CRB1: variants seen among roughly 807,000 people sequenced by gnomAD.
CRB1 encodes the protein protein crumbs homolog 1.
In CRB1, 83 loss-of-function variants were observed where a neutral mutation model predicts 120.0. That is an observed-to-expected ratio of 0.69 (90% CI 0.58 to 0.83). CRB1 has a LOEUF of 0.83. CRB1 is among the 40% of genes least tolerant of loss of function. The pLI, the probability that CRB1 is intolerant of heterozygous loss-of-function variation, is 0.00. For synonymous variants in CRB1, 625 were observed against 612.5 expected, an observed-to-expected ratio of 1.02 and a Z score of -0.30; for missense variants, 1,699 against 1,687.6, an observed-to-expected ratio of 1.01 and a Z score of -0.12.
chr1:197,317,634 G>T (rs1315916501), intron 1 of CRB1, among the ~76,000 whole-genome samples: 1 of 152,068 alleles, frequency 6.6e-6, no homozygotes, highest in Non-Finnish European at 1.5e-5. Context: ...CATGGTAAAT[G>T]GAATAAAAAT....
chr1:197,451,566 C>T (rs1665974707), intron 11 of CRB1, among the ~76,000 whole-genome samples: 2 of 152,188 alleles, frequency 1.3e-5, no homozygotes, highest in Non-Finnish European at 2.9e-5. Flanking sequence ...CTGAACCTAA[C>T]ACTGTCGATT....
chr1:197,392,147 T>A (rs1662537935), intron 5 of CRB1, among the ~76,000 whole-genome samples: 1 of 151,904 alleles, frequency 6.6e-6, no homozygotes, highest in African/African-American at 2.4e-5. Context: ...ACCAGGGTGG[T>A]GCTGCTAGTA....
At chr1:197,396,848 C>T (rs1159216609) in intron 5 of CRB1, among the ~76,000 whole-genome samples, 5 of 151,936 alleles carry the variant, frequency 3.3e-5, no homozygotes, top group African/African-American at 9.7e-5. Context: ...TATAAAACTT[C>T]GAAGAGAACA....
chr1:197,464,036 A>T (rs1489055132), intron 11 of CRB1, among the ~76,000 whole-genome samples: 1 of 152,172 alleles, frequency 6.6e-6, no homozygotes, highest in Non-Finnish European at 1.5e-5. Flanking sequence ...ACTACTTAAT[A>T]AAAATGCCTT....
At chr1:197,419,967 C>T (rs997541694) in intron 5 of CRB1, among the ~76,000 whole-genome samples, 13 of 139,026 alleles carry the variant, frequency 9.4e-5, no homozygotes, top group Middle Eastern at 3.9e-3. Flanking sequence ...GGCGACAGAG[C>T]GAGACACGAT....
chr1:197,318,704 C>T (rs1657997800), intron 1 of CRB1, among the ~76,000 whole-genome samples: 1 of 152,052 alleles, frequency 6.6e-6, no homozygotes, highest in African/African-American at 2.4e-5. Flanking sequence ...CATGGATGAA[C>T]CTGGATGACA....
the CRB1 span, among the ~76,000 whole-genome samples, chr1:197,243,171 T>A: frequency 6.6e-6 from 1 of 152,190 alleles, no homozygotes; most frequent in African/African-American, 2.4e-5. Context: ...CATGTCTCTA[T>A]CACCTTCAGT....
At chr1:197,279,755 T>A (rs976700689) in intron 1 of CRB1, among the ~76,000 whole-genome samples, 1 of 151,678 alleles carries the variant, frequency 6.6e-6, no homozygotes, top group Non-Finnish European at 1.5e-5. Flanking sequence ...GGACTCAATG[T>A]CAATAGTGAA....
chr1:197,367,213 T>A (rs1389277888), intron 5 of CRB1, among the ~76,000 whole-genome samples: 1 of 152,224 alleles, frequency 6.6e-6, no homozygotes, highest in African/African-American at 2.4e-5. Context: ...CTTTGTATTC[T>A]GTTTGAGCTT....
In CRB1 at chr1:197,268,477, T is replaced by A. The variant is rs762741389; in HGVS notation, c.65T>A (p.Ile22Lys). The A allele has an allele frequency of 1.2e-6, 2 of 1,610,062 alleles. No individual in the cohort carries two copies. Among genetic ancestry groups the A allele is most frequent in the Non-Finnish European group, 1.7e-6 (2 of 1,176,334 alleles). ...FYLSFSLLIY[I>K]KNSFCNKNNT... ...CTCAGTTTCTCACTGCTTATCTACA[T>A]AAAAAGTAAGCCTTTCCCACTTTGG... is the stretch of plus-strand genomic sequence containing the variant. Residue 22 changes from isoleucine to lysine, a missense_variant, in exon 1 of 12, where the codon ATA becomes AAA. Physicochemically the swap from Ile to Lys is moderately radical, Grantham distance 102. Coordinates refer to ENST00000367400, the MANE Select transcript of CRB1 (RefSeq NM_201253.3).
chr1:197,322,610 A>T (rs903780577), intron 1 of CRB1, among the ~76,000 whole-genome samples: 1 of 152,118 alleles, frequency 6.6e-6, no homozygotes, highest in Non-Finnish European at 1.5e-5. Flanking sequence ...AACATTCCAT[A>T]TGTAGCTCAC....
At chr1:197,295,127 T>C (rs1198352741) in intron 1 of CRB1, among the ~76,000 whole-genome samples, 1 of 152,036 alleles carries the variant, frequency 6.6e-6, no homozygotes, top group Non-Finnish European at 1.5e-5. Flanking sequence ...ATAAATGATA[T>C]GTAAGAACTC....
chr1:197,359,530 C>G (rs1660666255), intron 5 of CRB1, among the ~76,000 whole-genome samples: 2 of 152,244 alleles, frequency 1.3e-5, no homozygotes, highest in South Asian at 2.1e-4. Context: ...TAATTCATAA[C>G]AGCCGCTGAA....
At chr1:197,298,634 A>G (rs1656680294) in intron 1 of CRB1, among the ~76,000 whole-genome samples, 1 of 152,160 alleles carries the variant, frequency 6.6e-6, no homozygotes, top group African/African-American at 2.4e-5. Context: ...ACCAGATAAT[A>G]TAGCAAGAAT....
At chr1:197,356,482 T>A (rs1660486666) in intron 4 of CRB1, among the ~76,000 whole-genome samples, 1 of 152,224 alleles carries the variant, frequency 6.6e-6, no homozygotes, top group Non-Finnish European at 1.5e-5. Context: ...TTTCAGCTAT[T>A]GAAATATTTT....
chr1:197,217,823 T>C, the CRB1 span, among the ~76,000 whole-genome samples: 1 of 152,200 alleles, frequency 6.6e-6, no homozygotes, highest in East Asian at 1.9e-4. Context: ...ATATATGAAC[T>C]ATATCTCAAA....
At position 197,353,423 on chromosome 1, in the gene CRB1, T is replaced by C. The variant is rs115932481; in HGVS notation, c.989-3408T>C. Among the ~76,000 whole-genome samples the C allele has an allele frequency of 7.1e-3, 1,086 of 152,348 alleles. 13 individuals carry two copies. The highest frequency in any genetic ancestry group is 0.022 in the African/African-American group (918 of 41,574). On this transcript the variant is annotated intron_variant, in intron 4 of 11. Coordinates refer to ENST00000367400, the MANE Select transcript of CRB1 (RefSeq NM_201253.3). ...ATGATTTAGTTTACAAGTTTTATAA[T>C]TCTCAACTGTAAATTGTTTCCAAAA...
chr1:197,245,695 G>T, the CRB1 span, among the ~76,000 whole-genome samples: 1 of 151,878 alleles, frequency 6.6e-6, no homozygotes, highest in Admixed American at 6.6e-5. Context: ...TTGTGTTAAG[G>T]GTCGCCAGGT....
intron 1 of CRB1, among the ~76,000 whole-genome samples, chr1:197,297,057 G>A (rs1478171326): frequency 6.6e-6 from 1 of 151,932 alleles, no homozygotes; most frequent in Non-Finnish European, 1.5e-5. Context: ...TATTAGGTGA[G>A]TTTGTTCTTA....
Sources: gnomAD v4.1 joint callset for allele counts (sites outside exome capture counted in the v4.1 genomes callset) on GRCh38, gnomAD v4.1.1 for gene constraint, MANE v1.5 for transcripts, NCBI Gene and HGNC (gene_info 2026-07-23, HGNC 2026-07-21) for gene names.